The following WDR33 variants were observed in gnomAD, a reference collection of about 807,000 sequenced individuals.
WDR33 encodes the protein pre-mRNA 3' end processing protein WDR33.
Under a neutral mutation model 164.9 loss-of-function variants are expected in WDR33, and 47 were observed. The ratio of observed to expected loss-of-function variants is 0.29; its 90% CI spans 0.23 to 0.36. The LOEUF (loss-of-function observed/expected upper bound fraction) is 0.36, where lower values mean the gene tolerates loss of function less well. Ranked by LOEUF, WDR33 falls within the 10% of genes least tolerant of loss-of-function variation. The pLI, the probability that WDR33 is intolerant of heterozygous loss-of-function variation, is 1.00. For synonymous variants in WDR33, 505 were observed against 589.0 expected, an observed-to-expected ratio of 0.86 and a Z score of 2.06; for missense variants, 1,137 against 1,754.1, an observed-to-expected ratio of 0.65 and a Z score of 6.28.
intron 1 of WDR33, among the ~76,000 whole-genome samples, chr2:127,809,165 C>T (rs572145183): frequency 9.9e-5 from 15 of 151,566 alleles, no homozygotes; most frequent in African/African-American, 3.6e-4. Flanking sequence ...GCAGTTCAAA[C>T]TTCAGCCATA....
chr2:127,726,870 C>G lies in WDR33; in HGVS notation c.725-93G>C, dbSNP rs1268577347. The G allele has an allele frequency of 2.7e-6, 4 of 1,499,656 alleles. No homozygotes were observed. Among genetic ancestry groups the G allele is most frequent in the East Asian group, 4.6e-5 (2 of 43,698 alleles). 92.9% of individuals were successfully genotyped at this position (1,499,656 alleles called of 1,614,324 possible). On this transcript the variant is annotated intron_variant, in intron 7 of 21. Transcript: ENST00000322313. The surrounding 1 kb of genome is among the most constrained non-coding windows in gnomAD (Gnocchi z 4.8). Reference sequence around the variant, plus strand: ...AGAGAAACCTAGTAAATGTTTTGCTCTCAGTGCTCAGTCAACTTAAAACTT... The same window carrying G: ...AGAGAAACCTAGTAAATGTTTTGCTGTCAGTGCTCAGTCAACTTAAAACTT...
chr2:127,779,477 TA>T (rs908446846), intron 1 of WDR33, among the ~76,000 whole-genome samples: 3 of 151,672 alleles, frequency 2.0e-5, no homozygotes, highest in African/African-American at 7.3e-5. Flanking sequence ...AAAAAAAAGT[TA>T]AAAAAAATAG....
intron 7 of WDR33, among the ~76,000 whole-genome samples, chr2:127,731,294 CAAAAAAAAAAA>C (rs35161101): frequency 5.7e-5 from 4 of 70,316 alleles, no homozygotes; most frequent in South Asian, 5.0e-4. Flanking sequence ...GACCCTGCCT[CAAAAAAAAAAA>C]AAAAAAAAAA....
At chr2:127,736,737 T>C in intron 7 of WDR33, 1 of 985,432 alleles carries the variant, frequency 1.0e-6, no homozygotes, top group Non-Finnish European at 1.2e-6. Flanking sequence ...GTGAGCAAAT[T>C]CTTATGACTA....
At position 127,741,479 on chromosome 2, in the gene WDR33, C is replaced by A. The variant is rs555621510; in HGVS notation, c.725-14702G>T. 1.8e-4 allele frequency among the ~76,000 whole-genome samples: 28 copies of A among 152,298 alleles called. No homozygotes were observed. Among genetic ancestry groups the A allele is most frequent in the African/African-American group, 6.5e-4 (27 of 41,564 alleles). On this transcript the variant is annotated intron_variant, in intron 7 of 21. Coordinates refer to ENST00000322313, the MANE Select transcript of WDR33 (RefSeq NM_018383.5). The surrounding 1 kb of genome is among the most constrained non-coding windows in gnomAD (Gnocchi z 4.1). ...TTCTCCACTCACTTCATTAAACACA[C>A]ACAAACATGCACGTGTGTACACATG...
chr2:127,783,346 ATT>A (rs1688438756), intron 1 of WDR33, among the ~76,000 whole-genome samples: 1 of 152,196 alleles, frequency 6.6e-6, no homozygotes, highest in Non-Finnish European at 1.5e-5. Flanking sequence ...ATAACTCAGT[ATT>A]TCAAAAGTGT....
At position 127,704,734 on chromosome 2, in the gene WDR33, T is replaced by TA; in HGVS notation, c.*1588dup. 1 of 167,112 alleles carries TA rather than the reference T, an allele frequency of 6.0e-6. No individual in the cohort carries two copies. The highest frequency in any genetic ancestry group is 1.9e-4 in the East Asian group (1 of 5,206). The allele number at this position is 167,112 out of a possible 1,614,324, so 10.4% of individuals were successfully genotyped here. A position where few individuals can be genotyped will look rare whatever the true frequency, so the allele number is the denominator to read the frequency against. On this transcript the variant is annotated 3_prime_UTR_variant, in exon 22 of 22. Transcript: ENST00000322313. ...TTTTTTACATTCATAGAGAACCAGT[T>TA]AAATTTTCATATCCTGTTAAACTAT...
In WDR33 at chr2:127,701,888, G is replaced by A; in HGVS notation, c.*4435C>T. 6.9e-7 allele frequency: 1 copy of A among 1,457,030 alleles called. No individual in the cohort carries two copies. Among genetic ancestry groups the A allele is most frequent in the Non-Finnish European group, 9.0e-7 (1 of 1,110,604 alleles). The allele number at this position is 1,457,030 out of a possible 1,614,324, so 90.3% of individuals were successfully genotyped here. ...GGTCACTGGGCTCGGCGCTGGCGTT[G>A]GCGGGAAGCGCGCTGCTGCGGGGCG... On this transcript the variant is annotated 3_prime_UTR_variant, in exon 22 of 22. Coordinates refer to ENST00000322313, the MANE Select transcript of WDR33 (RefSeq NM_018383.5).
chr2:127,737,280 G>A (rs751910170), intron 7 of WDR33: 48 of 985,214 alleles, frequency 4.9e-5, no homozygotes, highest in Middle Eastern at 5.2e-4. Flanking sequence ...TGTCTGAGAC[G>A]GGAGATACCA....
chr2:127,758,874 C>T lies in WDR33; in HGVS notation c.724+4188G>A, dbSNP rs546126682. ...ATTAAACATGAGGATAGGGGTTATACCTTATAAAACAGTCTCCTAGGTAAC... is the reference window on the plus strand; with the variant it reads ...ATTAAACATGAGGATAGGGGTTATATCTTATAAAACAGTCTCCTAGGTAAC... On this transcript the variant is annotated intron_variant, in intron 7 of 21. Coordinates refer to ENST00000322313, the MANE Select transcript of WDR33 (RefSeq NM_018383.5). Among the ~76,000 whole-genome samples, 4 of 152,220 alleles carry T rather than the reference C, an allele frequency of 2.6e-5. No homozygotes were observed. In the South Asian group the frequency reaches 8.3e-4, roughly 32 times the overall value.
intron 1 of WDR33, among the ~76,000 whole-genome samples, chr2:127,803,280 AT>A (rs1233471443): frequency 6.6e-6 from 1 of 152,126 alleles, no homozygotes; most frequent in Non-Finnish European, 1.5e-5. Flanking sequence ...TTGATTAGGA[AT>A]TTAAAATACC....
In WDR33 at chr2:127,720,501, G is replaced by T; in HGVS notation, c.1672-148C>A. The T allele has an allele frequency of 1.0e-6, 1 of 969,038 alleles. No individual in the cohort carries two copies. Among genetic ancestry groups the T allele is most frequent in the Non-Finnish European group, 1.4e-6 (1 of 714,636 alleles). The allele number at this position is 969,038 out of a possible 1,614,324, so 60.0% of individuals were successfully genotyped here. On this transcript the variant is annotated intron_variant, in intron 15 of 21. Transcript: ENST00000322313. The surrounding 1 kb of genome is among the most constrained non-coding windows in gnomAD (Gnocchi z 5.9). The stretch of plus-strand genomic sequence containing the variant: ...CGCTCCAGTGGTAATTAGAGTCCAT[G>T]CAACACTCAAGCACTGTAAGGAGTT...
At position 127,703,881 on chromosome 2, in the gene WDR33, G is replaced by T; in HGVS notation, c.*2442C>A. 6.0e-6 allele frequency: 1 copy of T among 166,614 alleles called. No individual in the cohort carries two copies. 10.3% of individuals were successfully genotyped at this position (166,614 alleles called of 1,614,324 possible). ...ACCTGTAATCCCAGCATTTTGGGAGGCCAAGGCGGGAGGATCACTTGAGGC... is the reference window on the plus strand; with the variant it reads ...ACCTGTAATCCCAGCATTTTGGGAGTCCAAGGCGGGAGGATCACTTGAGGC... On this transcript the variant is annotated 3_prime_UTR_variant, in exon 22 of 22. Transcript: ENST00000322313.
At position 127,723,905 on chromosome 2, in the gene WDR33, C is replaced by T. The variant is rs1686501292; in HGVS notation, c.1196+428G>A. Among the ~76,000 whole-genome samples, 3 of 151,944 alleles carry T rather than the reference C, an allele frequency of 2.0e-5. No homozygotes were observed. In the South Asian group the frequency reaches 6.2e-4, roughly 32 times the overall value. ...CAGCCTGGGCAACATGGTGAAACCC[C>T]ATCTCTACAAAAAATGCAAAAATTA... On this transcript the variant is annotated intron_variant, in intron 11 of 21. Transcript: ENST00000322313. The surrounding 1 kb of genome is among the most constrained non-coding windows in gnomAD (Gnocchi z 5.9).
At position 127,701,894 on chromosome 2, in the gene WDR33, A is replaced by T; in HGVS notation, c.*4429T>A. 2.1e-6 allele frequency: 3 copies of T among 1,456,436 alleles called. No individual in the cohort carries two copies. Among genetic ancestry groups the T allele is most frequent in the Non-Finnish European group, 2.7e-6 (3 of 1,110,444 alleles). 90.2% of individuals were successfully genotyped at this position (1,456,436 alleles called of 1,614,324 possible). A position where few individuals can be genotyped will look rare whatever the true frequency, so the allele number is the denominator to read the frequency against. On this transcript the variant is annotated 3_prime_UTR_variant, in exon 22 of 22. Coordinates refer to ENST00000322313, the MANE Select transcript of WDR33 (RefSeq NM_018383.5). ...TGGGCTCGGCGCTGGCGTTGGCGGG[A>T]AGCGCGCTGCTGCGGGGCGGCGCGG...
At chr2:127,744,828 C>T (rs144786419) in intron 7 of WDR33, among the ~76,000 whole-genome samples, 87 of 152,266 alleles carry the variant, frequency 5.7e-4, no homozygotes, top group African/African-American at 2.0e-3. Context: ...TCCTGCACTT[C>T]ATATTTTTTC....
At chr2:127,793,790 T>C (rs1304923413) in intron 1 of WDR33, among the ~76,000 whole-genome samples, 2 of 151,868 alleles carry the variant, frequency 1.3e-5, no homozygotes, top group Non-Finnish European at 2.9e-5. Flanking sequence ...GTATGAAATT[T>C]CACCACCTTA....
intron 7 of WDR33, among the ~76,000 whole-genome samples, chr2:127,746,256 C>G (rs10191719): frequency 0.021 from 3,237 of 152,130 alleles, 125 homozygotes; most frequent in African/African-American, 0.075. Context: ...CTTTATCAAT[C>G]ACACTTCTAA....
At chr2:127,742,532 A>AC (rs1392564395) in intron 7 of WDR33, among the ~76,000 whole-genome samples, 10 of 151,636 alleles carry the variant, frequency 6.6e-5, no homozygotes, top group Middle Eastern at 3.4e-3. Flanking sequence ...CAAAAAAAAA[A>AC]AAAAAAAAGG....
Sources: allele counts gnomAD v4.1 joint callset (sites outside exome capture counted in the v4.1 genomes callset), GRCh38; gene constraint gnomAD v4.1.1; non-coding constraint Gnocchi (gnomAD v3.1); transcripts MANE v1.5; gene names NCBI Gene and HGNC (gene_info 2026-07-23, HGNC 2026-07-21).